FLRT1: variants seen among roughly 807,000 people sequenced by gnomAD.
The protein encoded by FLRT1 is fibronectin leucine rich transmembrane protein 1.
Under a neutral mutation model 30.9 loss-of-function variants are expected in FLRT1, and 14 were observed. That is an observed-to-expected ratio of 0.45 (90% CI 0.30 to 0.71). The LOEUF (loss-of-function observed/expected upper bound fraction) is 0.71, where lower values mean the gene tolerates loss of function less well. FLRT1 is among the 30% of genes least tolerant of loss of function. FLRT1 has a pLI of 0.08. For missense variants in FLRT1, 737 were observed against 949.2 expected (o/e 0.78, Z 2.94); for synonymous variants, 368 against 430.4 (o/e 0.85, Z 1.80).
chr11:64,075,968 C>T (rs1488977847), intron 1 of FLRT1, among the ~76,000 whole-genome samples: 1 of 152,232 alleles, frequency 6.6e-6, no homozygotes, highest in Non-Finnish European at 1.5e-5. Flanking sequence ...GCCACTGTGC[C>T]CGGCCTGGCC....
At position 64,113,540 on chromosome 11, in the gene FLRT1, G is replaced by A. The variant is rs4053471; in HGVS notation, c.-49-2679G>A. Among the ~76,000 whole-genome samples the A allele has an allele frequency of 5.2e-4, 78 of 151,114 alleles. No individual in the cohort carries two copies. In the East Asian group the frequency reaches 0.013, roughly 26 times the overall value. ...TGGATGGATGGATAGACAGGTGGAT[G>A]CATGGATGGATGGATGGATGGACAG... On this transcript the variant is annotated intron_variant, in intron 2 of 2. Coordinates refer to ENST00000682287, the MANE Select transcript of FLRT1 (RefSeq NM_013280.5).
chr11:64,070,447 G>T (rs1445312935), intron 1 of FLRT1, among the ~76,000 whole-genome samples: 2 of 152,182 alleles, frequency 1.3e-5, no homozygotes, highest in Non-Finnish European at 2.9e-5. Flanking sequence ...GACTGCAAGG[G>T]ATAAAACGCC....
At chr11:64,059,512 A>C (rs1943855883) in intron 1 of FLRT1, among the ~76,000 whole-genome samples, 1 of 152,094 alleles carries the variant, frequency 6.6e-6, no homozygotes. Flanking sequence ...CTGGGTACCC[A>C]GGCCCCCCAG....
intron 1 of FLRT1, among the ~76,000 whole-genome samples, chr11:64,058,482 C>T (rs898732058): frequency 4.6e-5 from 7 of 152,258 alleles, no homozygotes; most frequent in African/African-American, 1.7e-4. Context: ...AAGAGCAGGT[C>T]AGGCCTTTTC....
chr11:64,049,920 C>T (rs905017336), intron 1 of FLRT1, among the ~76,000 whole-genome samples: 2 of 152,138 alleles, frequency 1.3e-5, no homozygotes, highest in African/African-American at 2.4e-5. Flanking sequence ...GCTGTGGCCC[C>T]GGGGGGGAGG....
chr11:64,103,444 G>C lies in FLRT1; in HGVS notation c.-787G>C, dbSNP rs1944705942. 1 of 152,234 alleles carries C rather than the reference G, an allele frequency of 6.6e-6. No individual in the cohort carries two copies. The highest frequency in any genetic ancestry group is 2.4e-5 in the African/African-American group (1 of 41,414). The allele number at this position is 152,234 out of a possible 1,614,324, so 9.4% of individuals were successfully genotyped here. ...ATGAACATCTGAACTCCTCAGCGGG[G>C]TAATGGACCCCCTCCTTTCCCCCGG... On this transcript the variant is annotated 5_prime_UTR_variant, in exon 2 of 3. Transcript: ENST00000682287.
intron 1 of FLRT1, among the ~76,000 whole-genome samples, chr11:64,072,448 T>A (rs1294181491): frequency 1.3e-5 from 2 of 151,948 alleles, no homozygotes; most frequent in African/African-American, 4.8e-5. Context: ...AATAATTACA[T>A]AACATTGGAT....
chr11:64,088,117 A>G (rs1944426485), intron 1 of FLRT1, among the ~76,000 whole-genome samples: 1 of 152,168 alleles, frequency 6.6e-6, no homozygotes, highest in South Asian at 2.1e-4. Flanking sequence ...CCAGGGCCCC[A>G]GGAGTTCTGT....
intron 1 of FLRT1, among the ~76,000 whole-genome samples, chr11:64,051,908 AAG>A (rs1168651193): frequency 1.3e-4 from 19 of 151,578 alleles, no homozygotes; most frequent in African/African-American, 4.4e-4. Flanking sequence ...CGGGGGCTGC[AAG>A]AGAGGTAGAG....
intron 1 of FLRT1, among the ~76,000 whole-genome samples, chr11:64,073,461 C>T (rs1944144658): frequency 6.6e-6 from 1 of 152,242 alleles, no homozygotes; most frequent in South Asian, 2.1e-4. Flanking sequence ...GTTTGGGCAC[C>T]TGTCAGGTGG....
In FLRT1 at chr11:64,055,083, C is replaced by T. The variant is rs377453938; in HGVS notation, c.-1038+18924C>T. Among the ~76,000 whole-genome samples the T allele has an allele frequency of 1.6e-4, 25 of 152,252 alleles. No individual in the cohort carries two copies. The East Asian group carries it at 4.4e-3, about 27-fold the overall frequency. ...CCTTCCTAGATCCCCCCAGCCTGGT[C>T]CAGAAGGTGACCCTCATCACCGCCA... On this transcript the variant is annotated intron_variant, in intron 1 of 2. Coordinates refer to ENST00000682287, the MANE Select transcript of FLRT1 (RefSeq NM_013280.5).
chr11:64,048,214 C>T (rs1025964234), intron 1 of FLRT1, among the ~76,000 whole-genome samples: 2 of 152,332 alleles, frequency 1.3e-5, no homozygotes, highest in South Asian at 2.1e-4. Context: ...CGGGGGCCTT[C>T]GAGGAGAGCT....
At chr11:64,111,838 C>A (rs545353432) in intron 2 of FLRT1, among the ~76,000 whole-genome samples, 2 of 152,322 alleles carry the variant, frequency 1.3e-5, no homozygotes, top group South Asian at 4.1e-4. Flanking sequence ...AGATAAGGGT[C>A]AGAGCAGCCT....
At chr11:64,087,890 C>T (rs1944422171) in intron 1 of FLRT1, among the ~76,000 whole-genome samples, 1 of 152,210 alleles carries the variant, frequency 6.6e-6, no homozygotes, top group Admixed American at 6.5e-5. Flanking sequence ...GGGCTTAGCT[C>T]CTTCTTTCTG....
chr11:64,078,263 G>C (rs1373735771), intron 1 of FLRT1, among the ~76,000 whole-genome samples: 1 of 152,180 alleles, frequency 6.6e-6, no homozygotes, highest in Non-Finnish European at 1.5e-5. Context: ...TGTGCTCTCA[G>C]CACAGGTCCC....
chr11:64,055,508 A>AG (rs1173446429), intron 1 of FLRT1, among the ~76,000 whole-genome samples: 2 of 152,064 alleles, frequency 1.3e-5, no homozygotes, highest in Non-Finnish European at 2.9e-5. Flanking sequence ...CTGCCCCATT[A>AG]GGGGGCTAAA....
At chr11:64,038,957 G>A (rs1240350523) in intron 1 of FLRT1, among the ~76,000 whole-genome samples, 4 of 152,184 alleles carry the variant, frequency 2.6e-5, no homozygotes, top group African/African-American at 9.7e-5. Flanking sequence ...TGCGTATGAG[G>A]TTTCTAGCAG....
intron 1 of FLRT1, among the ~76,000 whole-genome samples, chr11:64,041,530 G>C (rs1259402755): frequency 6.6e-6 from 1 of 152,036 alleles, no homozygotes; most frequent in Non-Finnish European, 1.5e-5. Flanking sequence ...GGGACACCTG[G>C]CTGGTTCTGA....
chr11:64,105,627 G>T (rs898437541), intron 2 of FLRT1, among the ~76,000 whole-genome samples: 1 of 152,158 alleles, frequency 6.6e-6, no homozygotes, highest in Admixed American at 6.5e-5. Flanking sequence ...CCACAGGCAT[G>T]AGTGACCCCA....
Sources: allele counts gnomAD v4.1 joint callset (sites outside exome capture counted in the v4.1 genomes callset), GRCh38; gene constraint gnomAD v4.1.1; transcripts MANE v1.5; gene names NCBI Gene and HGNC (gene_info 2026-07-23, HGNC 2026-07-21).